ZMYND11: variants seen among roughly 807,000 people sequenced by gnomAD.
ZMYND11 encodes zinc finger MYND domain-containing protein 11.
In ZMYND11, 9 loss-of-function variants were observed where a neutral mutation model predicts 84.9. The ratio of observed to expected loss-of-function variants is 0.11; its 90% CI spans 0.06 to 0.18. The LOEUF (loss-of-function observed/expected upper bound fraction) is 0.18, where lower values mean the gene tolerates loss of function less well. ZMYND11 is among the 10% of genes least tolerant of loss of function. The pLI is 1.00. For missense variants in ZMYND11, 409 were observed against 761.0 expected (o/e 0.54, Z 5.44); for synonymous variants, 250 against 244.1 (o/e 1.02, Z -0.23).
chr10:225,597 C>G (rs1947983422), intron 4 of ZMYND11, among the ~76,000 whole-genome samples: 1 of 152,178 alleles, frequency 6.6e-6, no homozygotes. Context: ...ACCCTCCTGC[C>G]TTGGCCTCCC....
chr10:175,121 A>C (rs1846306167), intron 1 of ZMYND11, among the ~76,000 whole-genome samples: 2 of 152,168 alleles, frequency 1.3e-5, no homozygotes, highest in South Asian at 4.1e-4. Context: ...ATGATATGTC[A>C]GTGTAGGTTT....
chr10:228,659 A>C (rs1368765663), intron 4 of ZMYND11, among the ~76,000 whole-genome samples: 1 of 152,202 alleles, frequency 6.6e-6, no homozygotes. Flanking sequence ...TTATTTTCTG[A>C]AAAGAATGGA....
At chr10:154,228 A>G (rs1554758001) in intron 1 of ZMYND11, among the ~76,000 whole-genome samples, 1 of 152,206 alleles carries the variant, frequency 6.6e-6, no homozygotes, top group African/African-American at 2.4e-5. Context: ...AATCATTGAC[A>G]TTGAACTCAA....
chr10:237,913 AG>A (rs994971310), intron 6 of ZMYND11, among the ~76,000 whole-genome samples: 1 of 152,218 alleles, frequency 6.6e-6, no homozygotes, highest in African/African-American at 2.4e-5. Context: ...CTGGTTTTAA[AG>A]ATGAGCAGCT....
intron 2 of ZMYND11, among the ~76,000 whole-genome samples, chr10:183,507 TG>T (rs1848313529): frequency 1.3e-5 from 2 of 152,218 alleles, no homozygotes; most frequent in South Asian, 4.1e-4. Context: ...CATTAAGGAC[TG>T]CCAAATGATA....
At chr10:186,517 T>C in intron 2 of ZMYND11, among the ~76,000 whole-genome samples, 1 of 151,824 alleles carries the variant, frequency 6.6e-6, no homozygotes, top group East Asian at 2.0e-4. Flanking sequence ...GGCGCACGCC[T>C]GTAGTCCCAG....
chr10:182,321 C>T (rs1198676303), intron 2 of ZMYND11, among the ~76,000 whole-genome samples: 1 of 152,186 alleles, frequency 6.6e-6, no homozygotes, highest in Admixed American at 6.5e-5. Context: ...GGATTGCCTG[C>T]ATCTCATTTT....
intron 2 of ZMYND11, among the ~76,000 whole-genome samples, chr10:182,123 A>G (rs950285176): frequency 6.6e-6 from 1 of 152,158 alleles, no homozygotes; most frequent in Admixed American, 6.5e-5. Flanking sequence ...CTTTAGGGAC[A>G]TTTCTCTAAG....
At chr10:171,855 A>G (rs1845401055) in intron 1 of ZMYND11, among the ~76,000 whole-genome samples, 1 of 152,180 alleles carries the variant, frequency 6.6e-6, no homozygotes, top group Non-Finnish European at 1.5e-5. Flanking sequence ...CTGCCTTTCA[A>G]TGTCATATAG....
chr10:234,665 A>G (rs1949616423), intron 4 of ZMYND11, among the ~76,000 whole-genome samples: 1 of 152,194 alleles, frequency 6.6e-6, no homozygotes, highest in Admixed American at 6.5e-5. Flanking sequence ...GCATGAGAGA[A>G]GGCCATGTAG....
intron 1 of ZMYND11, among the ~76,000 whole-genome samples, chr10:178,255 G>T (rs1378329094): frequency 6.6e-6 from 1 of 152,108 alleles, no homozygotes; most frequent in Non-Finnish European, 1.5e-5. Flanking sequence ...GGCAAGGGTC[G>T]CCGTTTATAC....
chr10:131,650 G>C (rs1403214657), upstream of ZMYND11, among the ~76,000 whole-genome samples: 3 of 151,936 alleles, frequency 2.0e-5, no homozygotes, highest in African/African-American at 4.8e-5. Context: ...TCAGCTTCTC[G>C]AGTAGCTGCG....
In ZMYND11 at chr10:248,382, C is replaced by A; in HGVS notation, c.1274C>A (p.Pro425His). Residue 425 changes from proline to histidine, a missense_variant, in exon 13 of 15, where the codon CCC (proline) becomes CAC (histidine). By Grantham distance (77) the Pro-to-His change is moderately conservative (BLOSUM62 -2). Around this residue, in one of 7 missense-constraint regions of ZMYND11, gnomAD observed 141 missense variants for 173.8 expected, o/e 0.81. Coordinates refer to ENST00000381604, the MANE Select transcript of ZMYND11 (RefSeq NM_001370100.5). ...GCAGTAAGTTCTAGCCAGGAAATAC[C>A]CACGATGCCTCAGCCCATCGAAAAA... ...TEAVSSSQEI[P>H]TMPQPIEKVS... is the part of the protein sequence containing the mutation. The A allele has an allele frequency of 6.2e-7, 1 of 1,614,116 alleles. No individual in the cohort carries two copies. Among genetic ancestry groups the A allele is most frequent in the Non-Finnish European group, 8.5e-7 (1 of 1,180,010 alleles).
chr10:206,019 T>G (rs1045197897), intron 2 of ZMYND11, among the ~76,000 whole-genome samples: 15 of 152,100 alleles, frequency 9.9e-5, no homozygotes, highest in South Asian at 4.1e-4. Flanking sequence ...AGGTTGTTTT[T>G]TTTTTTTTTT....
intron 4 of ZMYND11, among the ~76,000 whole-genome samples, chr10:233,302 C>T (rs750059967): frequency 3.3e-5 from 5 of 152,286 alleles, no homozygotes; most frequent in Middle Eastern, 3.4e-3. Context: ...CTGGTGCAGC[C>T]AAGTCCCATC....
chr10:214,355 C>T (rs1389144698), intron 3 of ZMYND11, among the ~76,000 whole-genome samples: 1 of 152,168 alleles, frequency 6.6e-6, no homozygotes, highest in Non-Finnish European at 1.5e-5. Flanking sequence ...CCTGTAGTCA[C>T]AGCTACTTGG....
At chr10:246,707 T>C (rs749134360) in intron 10 of ZMYND11, 59 bp from the exon 11 acceptor site, 536 of 1,549,424 alleles carry the variant, frequency 3.5e-4, no homozygotes, top group Non-Finnish European at 4.6e-4. Context: ...AAGCCCTCTT[T>C]TACCACCCTT....
chr10:132,523 G>A (rs772906826), upstream of ZMYND11, among the ~76,000 whole-genome samples: 1 of 152,068 alleles, frequency 6.6e-6, no homozygotes, highest in Non-Finnish European at 1.5e-5. Context: ...AGCAGGAAGC[G>A]GCTCTGGAGG....
chr10:249,394 T>G (rs41285613), intron 14 of ZMYND11: 71,362 of 1,095,322 alleles, frequency 0.065, 2,650 homozygotes, highest in Non-Finnish European at 0.074. Context: ...TTGGGCAAAG[T>G]GGCTGGCCCT....
Sources: allele counts gnomAD v4.1 joint callset (sites outside exome capture counted in the v4.1 genomes callset), GRCh38; gene constraint gnomAD v4.1.1; regional missense constraint gnomAD v4.1.1; transcripts MANE v1.5; gene names NCBI Gene and HGNC (gene_info 2026-07-23, HGNC 2026-07-21).